The following MPPED2 variants were observed in gnomAD, a reference collection of about 807,000 sequenced individuals.
MPPED2 encodes the protein metallophosphoesterase domain containing 2.
In MPPED2, 5 loss-of-function variants were observed where a neutral mutation model predicts 33.0. The ratio of observed to expected loss-of-function variants is 0.15; its 90% confidence interval spans 0.08 to 0.32. MPPED2 has a LOEUF of 0.32. Ranked by LOEUF, MPPED2 falls within the 10% of genes least tolerant of loss-of-function variation. MPPED2 has a pLI of 1.00. For missense variants in MPPED2, 275 were observed against 372.1 expected (o/e 0.74, Z 2.15); for synonymous variants, 136 against 141.9 (o/e 0.96, Z 0.29).
intron 4 of MPPED2, among the ~76,000 whole-genome samples, chr11:30,443,687 G>A (rs1315512143): frequency 6.6e-6 from 1 of 152,152 alleles, no homozygotes; most frequent in Non-Finnish European, 1.5e-5. Flanking sequence ...TTTGTAGGCA[G>A]GTGGAGATAA....
downstream of MPPED2, among the ~76,000 whole-genome samples, chr11:30,384,313 T>A (rs547174791): frequency 5.3e-5 from 8 of 152,186 alleles, no homozygotes; most frequent in Admixed American, 5.2e-4. Flanking sequence ...GTATAAAGTA[T>A]GACAAAGCAG....
At chr11:30,526,062 G>C (rs1014552341) in intron 3 of MPPED2, among the ~76,000 whole-genome samples, 1 of 152,044 alleles carries the variant, frequency 6.6e-6, no homozygotes, top group Admixed American at 6.5e-5. Flanking sequence ...CTTTAATTTT[G>C]TCCTTATTGG....
intron 4 of MPPED2, among the ~76,000 whole-genome samples, chr11:30,470,673 A>C (rs999822152): frequency 1.6e-4 from 24 of 152,094 alleles, no homozygotes; most frequent in African/African-American, 5.6e-4. Flanking sequence ...TATCTAAATC[A>C]TCTGTGCCCT....
intron 4 of MPPED2, among the ~76,000 whole-genome samples, chr11:30,441,915 G>C (rs1471477422): frequency 6.6e-6 from 1 of 152,174 alleles, no homozygotes; most frequent in Non-Finnish European, 1.5e-5. Flanking sequence ...AGGAGTGTAA[G>C]TTCCATGCGG....
chr11:30,451,612 C>A, intron 4 of MPPED2: 1 of 813,308 alleles, frequency 1.2e-6, no homozygotes, highest in Non-Finnish European at 1.5e-6. Flanking sequence ...CACTCTCACT[C>A]CATGGGAGAC....
exon 7 of MPPED2, chr11:30,386,048 T>C (rs1049240938): frequency 9.2e-5 from 14 of 152,216 alleles, no homozygotes; most frequent in African/African-American, 2.7e-4. Flanking sequence ...TGTTAGTCCA[T>C]TTGCATTACT....
chr11:30,468,227 T>TACACAC (rs1491560438), intron 4 of MPPED2, among the ~76,000 whole-genome samples: 59 of 101,320 alleles, frequency 5.8e-4, no homozygotes, highest in African/African-American at 2.1e-3. Context: ...TATGGCATAC[T>TACACAC]ATACACACAC....
chr11:30,505,111 A>C (rs1952759629), intron 3 of MPPED2, among the ~76,000 whole-genome samples: 1 of 152,192 alleles, frequency 6.6e-6, no homozygotes, highest in African/African-American at 2.4e-5. Context: ...CATTGCACTG[A>C]TGGCAGGTAA....
rs140896735 is a variant in MPPED2, at chr11:30,549,570, A to C, written c.129-13395T>G. 3.9e-5 allele frequency among the ~76,000 whole-genome samples: 6 copies of C among 152,304 alleles called. No homozygotes were observed. The East Asian group carries it at 1.2e-3, about 29-fold the overall frequency. Reference sequence around the variant, plus strand: ...GGTCTCCTATAACTCAGGAATATCAACTGTCTCTGTTAAGAGCAATGATGG... The same window carrying C: ...GGTCTCCTATAACTCAGGAATATCACCTGTCTCTGTTAAGAGCAATGATGG... On this transcript the variant is annotated intron_variant, in intron 2 of 6. Coordinates refer to ENST00000358117, the MANE Select transcript of MPPED2 (RefSeq NM_001584.3).
intron 2 of MPPED2, among the ~76,000 whole-genome samples, chr11:30,558,743 T>C (rs939880894): frequency 6.6e-6 from 1 of 151,608 alleles, no homozygotes; most frequent in African/African-American, 2.4e-5. Context: ...TCTTCCTTCT[T>C]CCTTTTCTCC....
chr11:30,493,450 C>G (rs1211847232), intron 4 of MPPED2, among the ~76,000 whole-genome samples: 1 of 151,858 alleles, frequency 6.6e-6, no homozygotes, highest in Non-Finnish European at 1.5e-5. Flanking sequence ...AGTGACCAAT[C>G]TGAATTCAGT....
chr11:30,386,496 G>T (rs1040012984), exon 7 of MPPED2: 2 of 360,754 alleles, frequency 5.5e-6, no homozygotes, highest in Non-Finnish European at 9.9e-6. Context: ...CTTCCACCAG[G>T]TGTTAGGCTT....
chr11:30,411,127 AT>A lies in MPPED2; in HGVS notation c.*340del, dbSNP rs953637668. On this transcript the variant is annotated 3_prime_UTR_variant, in exon 7 of 7. Coordinates refer to ENST00000358117, the MANE Select transcript of MPPED2 (RefSeq NM_001584.3). Reference sequence around the variant, plus strand: ...GTTTTTAAAACACTGCCTGTTTCTTATTTTTTTTTCTTTCAGCTTAAAGCAT... The same window carrying A: ...GTTTTTAAAACACTGCCTGTTTCTTATTTTTTTTCTTTCAGCTTAAAGCAT... 2.1e-4 allele frequency: 212 copies of A among 990,092 alleles called. 2 individuals carry two copies. In the South Asian group the frequency reaches 6.7e-3, roughly 31 times the overall value. The allele number at this position is 990,092 out of a possible 1,614,324, so 61.3% of individuals were successfully genotyped here.
At chr11:30,388,884 C>A in exon 7 of MPPED2, 1 of 1,558,132 alleles carries the variant, frequency 6.4e-7, no homozygotes, top group South Asian at 1.2e-5. Flanking sequence ...CCAGTTTCCT[C>A]TAGACTAGGA....
chr11:30,423,727 T>A (rs1351523415), intron 4 of MPPED2, among the ~76,000 whole-genome samples: 1 of 152,178 alleles, frequency 6.6e-6, no homozygotes, highest in Non-Finnish European at 1.5e-5. Flanking sequence ...TTTGTAAAAT[T>A]TTTGGCACAG....
At chr11:30,542,482 A>AGC (rs1955181612) in intron 2 of MPPED2, among the ~76,000 whole-genome samples, 1 of 128,388 alleles carries the variant, frequency 7.8e-6, no homozygotes, top group Non-Finnish European at 1.7e-5. Context: ...AAAAAAAAAA[A>AGC]AGCCAGGCAT....
chr11:30,545,080 G>A (rs761433656), intron 2 of MPPED2, among the ~76,000 whole-genome samples: 7 of 152,130 alleles, frequency 4.6e-5, no homozygotes, highest in South Asian at 2.1e-4. Context: ...AAAGGCCAGC[G>A]GGATTAGGGT....
At position 30,401,932 on chromosome 11, in the gene MPPED2, C is replaced by T. The variant is rs1447804155; in HGVS notation, c.766+12296G>A. Among the ~76,000 whole-genome samples, 3 of 151,556 alleles carry T rather than the reference C, an allele frequency of 2.0e-5. No individual in the cohort carries two copies. In the South Asian group the frequency reaches 6.3e-4, roughly 32 times the overall value. On this transcript the variant is annotated intron_variant, in intron 6 of 6. Transcript: ENST00000448418. ...CAGGATGGTCTCGATCTCCTGACCT[C>T]GTGATCCGCCTGCCTCGGCCTCCCA...
intron 5 of MPPED2, among the ~76,000 whole-genome samples, chr11:30,416,935 CAATATA>C (rs1381573991): frequency 9.9e-5 from 15 of 152,274 alleles, no homozygotes; most frequent in Admixed American, 9.8e-4. Context: ...AGCACACAGA[CAATATA>C]AATCTGGATG....
Sources: allele counts gnomAD v4.1 joint callset (sites outside exome capture counted in the v4.1 genomes callset), GRCh38; gene constraint gnomAD v4.1.1; transcripts MANE v1.5; gene names NCBI Gene and HGNC (gene_info 2026-07-23, HGNC 2026-07-21).